Variants in PGBD5 observed in about 807,000 individuals in gnomAD.
PGBD5 encodes the protein piggyBac transposable element derived 5.
PGBD5 carries 14 observed loss-of-function variants against 47.9 expected under a neutral mutation model. The ratio of observed to expected loss-of-function variants is 0.29; its 90% CI spans 0.19 to 0.46. The LOEUF (loss-of-function observed/expected upper bound fraction) is 0.46, where lower values mean the gene tolerates loss of function less well. PGBD5 is among the 20% of genes least tolerant of loss of function. The pLI, the probability that PGBD5 is intolerant of heterozygous loss-of-function variation, is 1.00. For missense variants in PGBD5, 635 were observed against 716.0 expected, an observed-to-expected ratio of 0.89 and a Z score of 1.29; for synonymous variants, 316 against 306.3, an observed-to-expected ratio of 1.03 and a Z score of -0.33.
chr1:230,380,073 T>C (rs1207413700), intron 1 of PGBD5, among the ~76,000 whole-genome samples: 1 of 152,222 alleles, frequency 6.6e-6, no homozygotes, highest in Non-Finnish European at 1.5e-5. Flanking sequence ...CCGTGTGCTA[T>C]TTACATTTGC....
intron 1 of PGBD5, chr1:230,362,428 T>C (rs1249047330): frequency 7.7e-7 from 1 of 1,307,088 alleles, no homozygotes; most frequent in East Asian, 4.9e-5. Context: ...GTGTCAGACC[T>C]GGACCGTGGC....
At chr1:230,406,979 C>T (rs751890394) in intron 1 of PGBD5, among the ~76,000 whole-genome samples, 1 of 152,182 alleles carries the variant, frequency 6.6e-6, no homozygotes, top group Non-Finnish European at 1.5e-5. Context: ...GAATTACAGG[C>T]GTGCACCACC....
chr1:230,368,876 G>A (rs1192385404), intron 1 of PGBD5, among the ~76,000 whole-genome samples: 1 of 152,254 alleles, frequency 6.6e-6, no homozygotes, highest in Non-Finnish European at 1.5e-5. Context: ...ATCTTGGAAT[G>A]TAGGCCTTTG....
At chr1:230,417,966 C>A (rs997390397) in intron 1 of PGBD5, among the ~76,000 whole-genome samples, 1 of 152,206 alleles carries the variant, frequency 6.6e-6, no homozygotes, top group East Asian at 1.9e-4. Context: ...CTTTTGCCCC[C>A]CCAGGGGACA....
intron 4 of PGBD5, among the ~76,000 whole-genome samples, chr1:230,334,175 G>A (rs1667266351): frequency 6.6e-6 from 1 of 152,244 alleles, no homozygotes; most frequent in East Asian, 1.9e-4. Flanking sequence ...TGGCAGGTGG[G>A]AAGGAAGATG....
chr1:230,389,492 T>C (rs1656735850), intron 1 of PGBD5, among the ~76,000 whole-genome samples: 1 of 152,198 alleles, frequency 6.6e-6, no homozygotes, highest in African/African-American at 2.4e-5. Flanking sequence ...CTTATAAACA[T>C]CAATGAGCAT....
At chr1:230,387,610 T>G (rs906564088) in intron 1 of PGBD5, among the ~76,000 whole-genome samples, 25 of 152,176 alleles carry the variant, frequency 1.6e-4, no homozygotes, top group African/African-American at 6.0e-4. Flanking sequence ...GGCTCTGCTC[T>G]ATGCAATACT....
intron 1 of PGBD5, among the ~76,000 whole-genome samples, chr1:230,402,934 C>A (rs1389657044): frequency 7.9e-5 from 12 of 152,230 alleles, no homozygotes; most frequent in Non-Finnish European, 1.8e-4. Context: ...GGGAGACCTG[C>A]TTTTAATGGA....
At chr1:230,333,381 A>T (rs562669365) in intron 4 of PGBD5, among the ~76,000 whole-genome samples, 10 of 152,286 alleles carry the variant, frequency 6.6e-5, no homozygotes, top group African/African-American at 2.4e-4. Context: ...AGCACTACGC[A>T]CGTGTACTCA....
chr1:230,396,284 TTCCCTTTTACCCCCACACTCC>T (rs1558210836), intron 1 of PGBD5, among the ~76,000 whole-genome samples: 64 of 47,380 alleles, frequency 1.4e-3, no homozygotes, highest in Admixed American at 7.3e-3. Context: ...CCCCACACTC[TTCCCTTTTACCCCCACACTCC>T]TCCCTTTTAC....
intron 1 of PGBD5, among the ~76,000 whole-genome samples, chr1:230,400,813 G>A (rs1382896513): frequency 2.0e-5 from 3 of 152,208 alleles, no homozygotes; most frequent in Non-Finnish European, 2.9e-5. Context: ...AATAGCCACT[G>A]CACTCTAGCC....
intron 1 of PGBD5, among the ~76,000 whole-genome samples, chr1:230,424,899 T>C (rs1274629189): frequency 1.3e-5 from 2 of 152,184 alleles, no homozygotes; most frequent in Non-Finnish European, 2.9e-5. Flanking sequence ...AGCCACCTTC[T>C]CCAGGTATTC....
intron 1 of PGBD5, among the ~76,000 whole-genome samples, chr1:230,404,627 AAAAT>A (rs1275213712): frequency 9.2e-5 from 12 of 130,404 alleles, no homozygotes; most frequent in South Asian, 2.6e-4. Flanking sequence ...AAAAAAAAAA[AAAAT>A]ATATATATAT....
rs748504542 is a variant in PGBD5 at position 230,333,012 on chromosome 1, G to A, written c.1105C>T (p.Arg369Trp). The change falls in exon 5 of 7, where the codon CGG (arginine) becomes TGG (tryptophan). Residue 369 changes from arginine (R) to tryptophan (W), a missense_variant. Coordinates refer to ENST00000391860, the MANE Select transcript of PGBD5 (RefSeq NM_001258311.2). The stretch of plus-strand genomic sequence containing the variant: ...GGGAGGCCGGTGCAGTCACTCTTCC[G>A]CGCGCGGAGCAAGCCGCAGCAGTAA... Reference protein sequence around the residue: ...GIYCCGLLRARKSDCTGLPLS... With the variant: ...GIYCCGLLRAWKSDCTGLPLS... 29 of 1,606,800 alleles carry A rather than the reference G, an allele frequency of 1.8e-5. No individual in the cohort carries two copies. The Middle Eastern group carries it at 1.2e-3, about 64-fold the overall frequency.
At chr1:230,361,834 G>A (rs762660846) in intron 1 of PGBD5, among the ~76,000 whole-genome samples, 2 of 152,224 alleles carry the variant, frequency 1.3e-5, no homozygotes, top group South Asian at 2.1e-4. Context: ...TACAAGAAGG[G>A]CCCCAAACCC....
At chr1:230,383,694 CGA>C (rs1656567909) in intron 1 of PGBD5, among the ~76,000 whole-genome samples, 1 of 152,152 alleles carries the variant, frequency 6.6e-6, no homozygotes, top group South Asian at 2.1e-4. Flanking sequence ...CACAGTCTCT[CGA>C]GAGACTCCCA....
chr1:230,361,603 G>T (rs781750789), intron 1 of PGBD5, among the ~76,000 whole-genome samples: 1 of 152,200 alleles, frequency 6.6e-6, no homozygotes, highest in Non-Finnish European at 1.5e-5. Context: ...TCCCAAGAGA[G>T]GAAACAGATT....
At chr1:230,331,264 A>G (rs755349778) in intron 5 of PGBD5, among the ~76,000 whole-genome samples, 75 of 151,984 alleles carry the variant, frequency 4.9e-4, no homozygotes, top group Non-Finnish European at 8.4e-4. Context: ...ATACAAAAAA[A>G]CATTAGCCGG....
intron 1 of PGBD5, among the ~76,000 whole-genome samples, chr1:230,405,000 A>G: frequency 6.8e-6 from 1 of 147,024 alleles, no homozygotes; most frequent in Non-Finnish European, 1.5e-5. Flanking sequence ...TTTTAAAAAG[A>G]TATATGAAGA....
Sources: gnomAD v4.1 joint callset for allele counts (sites outside exome capture counted in the v4.1 genomes callset) on GRCh38, gnomAD v4.1.1 for gene constraint, MANE v1.5 for transcripts, NCBI Gene and HGNC (gene_info 2026-07-23, HGNC 2026-07-21) for gene names.